The following SMC1B variants were observed in gnomAD, a reference collection of about 807,000 sequenced individuals.
The protein encoded by SMC1B is structural maintenance of chromosomes 1B, also known as structural maintenance of chromosomes protein 1B.
A neutral mutation model predicts 157.9 loss-of-function variants in SMC1B; 60 were observed. That is an observed-to-expected ratio of 0.38 (90% CI 0.31 to 0.47). SMC1B has a LOEUF of 0.47. Among genes scored for constraint, SMC1B ranks in the 20% least tolerant of loss-of-function variants. The pLI, the probability that SMC1B is intolerant of heterozygous loss-of-function variation, is 0.99. For synonymous variants in SMC1B, 445 were observed against 483.0 expected, an observed-to-expected ratio of 0.92 and a Z score of 1.03; for missense variants, 1,165 against 1,426.2, an observed-to-expected ratio of 0.82 and a Z score of 2.95.
intron 4 of SMC1B, among the ~76,000 whole-genome samples, chr22:45,405,551 C>G (rs6006742): frequency 6.6e-6 from 1 of 151,502 alleles, no homozygotes; most frequent in Non-Finnish European, 1.5e-5. Flanking sequence ...AGAGACAAGA[C>G]TCTCAGTGCA....
At chr22:45,405,807 T>C (rs2087252637) in intron 4 of SMC1B, among the ~76,000 whole-genome samples, 1 of 152,232 alleles carries the variant, frequency 6.6e-6, no homozygotes, top group Non-Finnish European at 1.5e-5. Flanking sequence ...ACTTTGTCTA[T>C]TTCAATGTGT....
intron 9 of SMC1B, among the ~76,000 whole-genome samples, chr22:45,391,772 C>T (rs552871257): frequency 1.3e-5 from 2 of 152,242 alleles, no homozygotes; most frequent in African/African-American, 4.8e-5. Flanking sequence ...TGAATTCTCT[C>T]GTCTGAGTTT....
In SMC1B at chr22:45,413,200, G is replaced by T. The variant is rs369558764; in HGVS notation, c.109+259C>A. ...GGCCCGAGGCGGGGCCGAGTGGAAG[G>T]GTCAGGACCTCCGAGGTGGGGCGGA... is the stretch of plus-strand genomic sequence containing the variant. On this transcript the variant is annotated intron_variant, in intron 1 of 24. Transcript: ENST00000357450. 8.5e-5 allele frequency among the ~76,000 whole-genome samples: 13 copies of T among 152,110 alleles called. No homozygotes were observed. In the East Asian group the frequency reaches 1.4e-3, roughly 16 times the overall value.
rs532920606 is a variant in SMC1B at position 45,369,978 on chromosome 22, C to T, written c.2396G>A (p.Arg799Gln). The T allele has an allele frequency of 6.3e-6, 10 of 1,589,610 alleles. No individual in the cohort carries two copies. The highest frequency in any genetic ancestry group is 4.6e-5 in the East Asian group (2 of 43,868). ...IREFENKHVK[R>Q]QQEIDQKRLE... ...CCTTTTTTGATCAATTTCTTGTTGC[C>T]GTTTAACATGTTTGTTCTCAAATTC... The change falls in exon 15 of 25, where the codon CGG becomes CAG. Residue 799 changes from arginine (R) to glutamine (Q), a missense_variant. Coordinates refer to ENST00000357450, the MANE Select transcript of SMC1B (RefSeq NM_148674.5).
chr22:45,371,770 G>A (rs994881210), intron 13 of SMC1B, among the ~76,000 whole-genome samples, 183 bp from the exon 14 acceptor site: 5 of 152,104 alleles, frequency 3.3e-5, no homozygotes, highest in Non-Finnish European at 7.4e-5. Context: ...TCAATCATGG[G>A]ATAAAGTATC....
intron 22 of SMC1B, among the ~76,000 whole-genome samples, chr22:45,351,192 A>G (rs1288482818): frequency 6.6e-6 from 1 of 152,160 alleles, no homozygotes; most frequent in Non-Finnish European, 1.5e-5. Context: ...TATATTGGAT[A>G]ATTAGTTTAC....
intron 10 of SMC1B, 102 bp downstream of exon 10, chr22:45,389,610 T>C (rs929824956): frequency 1.9e-6 from 2 of 1,029,320 alleles, no homozygotes; most frequent in Non-Finnish European, 2.8e-6. Context: ...GCATCCAAGC[T>C]ACAATTTTTC....
chr22:45,412,537 G>A (rs1246704324), intron 1 of SMC1B, among the ~76,000 whole-genome samples: 1 of 114,264 alleles, frequency 8.8e-6, no homozygotes. Flanking sequence ...GACGAGAGTC[G>A]CACTGTGTTG....
chr22:45,403,850 T>C (rs1480694047), intron 4 of SMC1B, among the ~76,000 whole-genome samples: 3 of 152,208 alleles, frequency 2.0e-5, no homozygotes, highest in East Asian at 3.8e-4. Context: ...GACTAAACTC[T>C]GATCTTTTTT....
chr22:45,400,118 C>T (rs2048943181), intron 5 of SMC1B, among the ~76,000 whole-genome samples: 1 of 152,098 alleles, frequency 6.6e-6, no homozygotes, highest in Admixed American at 6.6e-5. Flanking sequence ...ACAGGTATTT[C>T]CTAGTTCCAA....
At chr22:45,406,223 C>G (rs1388206160) in intron 4 of SMC1B, among the ~76,000 whole-genome samples, 1 of 152,110 alleles carries the variant, frequency 6.6e-6, no homozygotes, top group Non-Finnish European at 1.5e-5. Context: ...ACCCCTCAAG[C>G]TTGTTTTTAG....
At chr22:45,405,984 A>G (rs2087255071) in intron 4 of SMC1B, among the ~76,000 whole-genome samples, 1 of 152,254 alleles carries the variant, frequency 6.6e-6, no homozygotes, top group Non-Finnish European at 1.5e-5. Context: ...TGGAAAATAC[A>G]GTTATCTTTC....
chr22:45,387,689 C>T (rs1381483695), intron 10 of SMC1B, among the ~76,000 whole-genome samples: 2 of 152,084 alleles, frequency 1.3e-5, no homozygotes, highest in Admixed American at 6.6e-5. Context: ...AAAAATAATG[C>T]CCATTTTAGA....
intron 2 of SMC1B, among the ~76,000 whole-genome samples, chr22:45,407,245 A>G (rs542755901): frequency 3.0e-4 from 46 of 152,288 alleles, no homozygotes; most frequent in Non-Finnish European, 5.6e-4. Flanking sequence ...GAAAAACAAC[A>G]ACAGCAACAA....
rs752940251 is a variant in SMC1B at position 45,361,957 on chromosome 22, T to G, written c.2590A>C (p.Asn864His). The G allele has an allele frequency of 2.5e-6, 4 of 1,614,134 alleles. No individual in the cohort carries two copies. In the South Asian group the frequency reaches 4.4e-5, roughly 18 times the overall value. Residue 864 changes from asparagine to histidine, a missense_variant, in exon 17 of 25, where the codon AAT (asparagine) becomes CAT (histidine). Physicochemically the swap from Asn to His is moderately conservative, Grantham distance 68. Coordinates refer to ENST00000357450, the MANE Select transcript of SMC1B (RefSeq NM_148674.5). The part of the protein sequence containing the change: ...KAEENCLQTV[N>H]ELMAKQQQLK... Reference sequence around the variant, plus strand: ...TGCTGCTGCTTTGCCATGAGTTCATTCACTGTCTGCAGACAGTTTTCTTCA... The same window carrying G: ...TGCTGCTGCTTTGCCATGAGTTCATGCACTGTCTGCAGACAGTTTTCTTCA...
intron 17 of SMC1B, among the ~76,000 whole-genome samples, chr22:45,360,458 AAAAG>A (rs760101886): frequency 2.3e-4 from 35 of 152,336 alleles, no homozygotes; most frequent in African/African-American, 5.3e-4. Context: ...AATGGAAAAA[AAAAG>A]AAAGAAAGAA....
intron 4 of SMC1B, among the ~76,000 whole-genome samples, chr22:45,403,992 A>G (rs1386452529): frequency 1.3e-5 from 2 of 152,160 alleles, no homozygotes; most frequent in African/African-American, 4.8e-5. Context: ...CCCAGGCTAA[A>G]GTGCAGTGGT....
chr22:45,389,691 C>G, intron 10 of SMC1B, 21 bp downstream of exon 10: 3 of 1,594,054 alleles, frequency 1.9e-6, no homozygotes, highest in Non-Finnish European at 2.6e-6. Flanking sequence ...CTATAAATAC[C>G]AGGCATTACA....
intron 12 of SMC1B, among the ~76,000 whole-genome samples, chr22:45,372,754 C>A (rs1318352992): frequency 1.5e-5 from 2 of 132,378 alleles, no homozygotes; most frequent in African/African-American, 3.1e-5. Context: ...GCTCTGTCGC[C>A]CAGACTGGAG....
Sources: gnomAD v4.1 joint callset for allele counts (sites outside exome capture counted in the v4.1 genomes callset) on GRCh38, gnomAD v4.1.1 for gene constraint, MANE v1.5 for transcripts, NCBI Gene and HGNC (gene_info 2026-07-23, HGNC 2026-07-21) for gene names.